The following FNBP4 variants were observed in gnomAD, a reference collection of about 807,000 sequenced individuals.
FNBP4 encodes the protein formin-binding protein 4.
A neutral mutation model predicts 119.3 loss-of-function variants in FNBP4; 34 were observed. The ratio of observed to expected loss-of-function variants is 0.28; its 90% CI spans 0.22 to 0.38. The LOEUF (loss-of-function observed/expected upper bound fraction) is 0.38, where lower values mean the gene tolerates loss of function less well. Ranked by LOEUF, FNBP4 falls within the 10% of genes least tolerant of loss-of-function variation. The probability of loss-of-function intolerance (pLI) is 1.00; values close to 1 mark genes in which losing one functional copy is unlikely to be tolerated. For synonymous variants in FNBP4, 462 were observed against 430.6 expected (o/e 1.07, Z -0.90); for missense variants, 1,112 against 1,228.9 (o/e 0.90, Z 1.42).
At chr11:47,721,170 C>T (rs556694662) in intron 15 of FNBP4, among the ~76,000 whole-genome samples, 1 of 150,516 alleles carries the variant, frequency 6.6e-6, no homozygotes, top group South Asian at 2.1e-4. Context: ...AAATACAAAA[C>T]ATAAGCCTGG....
At chr11:47,738,519 TG>T (rs577382937) in intron 8 of FNBP4, among the ~76,000 whole-genome samples, 286 of 152,134 alleles carry the variant, frequency 1.9e-3, no homozygotes, top group Middle Eastern at 0.014. Context: ...GAGCCGAGAT[TG>T]CACCATTGCA....
chr11:47,737,073 T>C (rs530930651), intron 8 of FNBP4, among the ~76,000 whole-genome samples: 15 of 152,178 alleles, frequency 9.9e-5, no homozygotes, highest in Admixed American at 4.6e-4. Context: ...CATGGTGGCA[T>C]GTGCCTGTAG....
At chr11:47,766,865 C>A (rs1370258079) in intron 1 of FNBP4, among the ~76,000 whole-genome samples, 5 of 152,140 alleles carry the variant, frequency 3.3e-5, no homozygotes, top group African/African-American at 4.8e-5. Context: ...GATGGCGCCT[C>A]GGGCTTGGCC....
rs1308620811 is a variant in FNBP4 at position 47,722,217 on chromosome 11, T to C, written c.2805+759A>G. 3.4e-5 allele frequency among the ~76,000 whole-genome samples: 5 copies of C among 146,006 alleles called. No individual in the cohort carries two copies. In the East Asian group the frequency reaches 1.0e-3, roughly 29 times the overall value. The stretch of plus-strand genomic sequence containing the variant: ...TAGGGAGAGTATCTGACAAATATAT[T>C]AGATATTGATAAGACCAATTTTTAT... On this transcript the variant is annotated intron_variant, in intron 15 of 16. Coordinates refer to ENST00000263773, the MANE Select transcript of FNBP4 (RefSeq NM_015308.5).
Position 47,717,378 on chromosome 11 carries a change from C to T in FNBP4, c.*44G>A. The T allele has an allele frequency of 7.4e-7, 1 of 1,345,352 alleles. No homozygotes were observed. 83.3% of individuals were successfully genotyped at this position (1,345,352 alleles called of 1,614,324 possible). A position where few individuals can be genotyped will look rare whatever the true frequency, so the allele number is the denominator to read the frequency against. ...AAACTGGTTAAGACTTTGAACTGAACACAAAACAAACAATAATACAAAAAA... is the reference window on the plus strand; with the variant it reads ...AAACTGGTTAAGACTTTGAACTGAATACAAAACAAACAATAATACAAAAAA... On this transcript the variant is annotated 3_prime_UTR_variant, in exon 17 of 17. Transcript: ENST00000263773.
In FNBP4 at chr11:47,767,057, G is replaced by A. The variant is rs753900169; in HGVS notation, c.220+12C>T. 6.6e-6 allele frequency: 10 copies of A among 1,522,570 alleles called. No homozygotes were observed. Among genetic ancestry groups the A allele is most frequent in the East Asian group, 2.6e-5 (1 of 38,708 alleles). The allele number at this position is 1,522,570 out of a possible 1,614,324, so 94.3% of individuals were successfully genotyped here. On this transcript the variant is annotated intron_variant, in intron 1 of 16. Transcript: ENST00000263773. The stretch of plus-strand genomic sequence containing the variant: ...CCTGAGCTCGAGTTCAGGTCCCCCC[G>A]CGCACCCTTGCCTTCTGAAGGCGAG...
chr11:47,733,243 CTTA>C (rs937973442), intron 10 of FNBP4, among the ~76,000 whole-genome samples: 20 of 152,044 alleles, frequency 1.3e-4, no homozygotes, highest in African/African-American at 4.3e-4. Context: ...CCCTTTTGGA[CTTA>C]TTAAGATTGG....
Position 47,728,578 on chromosome 11 carries a change from C to G in FNBP4, c.2008+2796G>C, listed in dbSNP as rs75362790. Reference sequence around the variant, plus strand: ...TGAGACAGGATCTCACTTTGTTGTTCAAGCTAGAGTGCAATGGTGTGAATA... The same window carrying G: ...TGAGACAGGATCTCACTTTGTTGTTGAAGCTAGAGTGCAATGGTGTGAATA... On this transcript the variant is annotated intron_variant, in intron 12 of 16. Coordinates refer to ENST00000263773, the MANE Select transcript of FNBP4 (RefSeq NM_015308.5). Among the ~76,000 whole-genome samples the G allele has an allele frequency of 5.4e-4, 82 of 152,098 alleles. 4 individuals carry two copies. In the East Asian group the frequency reaches 0.011, roughly 21 times the overall value.
intron 6 of FNBP4, among the ~76,000 whole-genome samples, chr11:47,746,652 T>G (rs2097590918): frequency 6.6e-6 from 1 of 151,958 alleles, no homozygotes; most frequent in Non-Finnish European, 1.5e-5. Context: ...GTAGCTGGGA[T>G]TACAGGCGCC....
intron 2 of FNBP4, among the ~76,000 whole-genome samples, chr11:47,757,841 G>T (rs1274087680): frequency 1.3e-5 from 2 of 152,152 alleles, no homozygotes; most frequent in African/African-American, 4.8e-5. Flanking sequence ...ATATATGTAA[G>T]AGATACGGTC....
At chr11:47,742,086 G>A (rs1225202830) in intron 8 of FNBP4, among the ~76,000 whole-genome samples, 2 of 152,016 alleles carry the variant, frequency 1.3e-5, no homozygotes, top group African/African-American at 4.8e-5. Flanking sequence ...CTCATATATG[G>A]TAAAATTTAC....
chr11:47,720,030 C>CTGGATACTCTGCCACTTTTTTACCAA lies in FNBP4; in HGVS notation c.2836_2861dup (p.Gln954HisfsTer3). The CTGGATACTCTGCCACTTTTTTACCAA allele has an allele frequency of 6.2e-7, 1 of 1,614,162 alleles. No homozygotes were observed. The highest frequency in any genetic ancestry group is 8.5e-7 in the Non-Finnish European group (1 of 1,180,018). Reference sequence around the variant, plus strand: ...AATTGTCCTCTTCATCTAACTCACGCTGGATACTCTGCCACTTTTTTACCA... The same window carrying CTGGATACTCTGCCACTTTTTTACCAA: ...AATTGTCCTCTTCATCTAACTCACGCTGGATACTCTGCCACTTTTTTACCAATGGATACTCTGCCACTTTTTTACCA... On this transcript the variant is annotated stop_gained and frameshift_variant, in exon 16 of 17. Transcript: ENST00000263773. LOFTEE classifies it high-confidence loss of function.
At chr11:47,728,231 T>A (rs940242839) in intron 12 of FNBP4, among the ~76,000 whole-genome samples, 1 of 151,720 alleles carries the variant, frequency 6.6e-6, no homozygotes. Flanking sequence ...TAAAACTGAA[T>A]ATGTTATGAG....
Position 47,746,113 on chromosome 11 carries a change from A to G in FNBP4, c.1188T>C (p.Ser396=). The G allele has an allele frequency of 1.9e-6, 3 of 1,611,898 alleles. No homozygotes were observed. Among genetic ancestry groups the G allele is most frequent in the Non-Finnish European group, 2.5e-6 (3 of 1,179,536 alleles). The change falls in exon 7 of 17, where the codon AGT becomes AGC. Residue 396 remains serine (S), a synonymous_variant. Coordinates refer to ENST00000263773, the MANE Select transcript of FNBP4 (RefSeq NM_015308.5). ...DLCSVVQSGE[S]EEEEEQDTLE... is the part of the protein sequence containing the mutation. ...GGGTATCTTGTTCCTCTTCCTCCTC[A>G]CTTTCTCCAGATTGGACAACACTGC...
chr11:47,761,280 G>A (rs2097633767), intron 2 of FNBP4, among the ~76,000 whole-genome samples: 1 of 152,218 alleles, frequency 6.6e-6, no homozygotes, highest in South Asian at 2.1e-4. Context: ...CACATTATCA[G>A]GTAAAATTGC....
intron 6 of FNBP4, among the ~76,000 whole-genome samples, chr11:47,749,885 C>T (rs1352875296): frequency 6.6e-6 from 1 of 152,142 alleles, no homozygotes; most frequent in Non-Finnish European, 1.5e-5. Context: ...TATCTCCGAT[C>T]CCAGGCATTT....
rs371882525 is a variant in FNBP4 at position 47,757,691 on chromosome 11, G to A, written c.314-3027C>T. ...GCATTTTTAGTAGAGATGGGGTTTC[G>A]CTATGTTGGCCTAGCTGCTCTTGGA... is the stretch of plus-strand genomic sequence containing the variant. On this transcript the variant is annotated intron_variant, in intron 2 of 16. Transcript: ENST00000263773. Among the ~76,000 whole-genome samples the A allele has an allele frequency of 6.2e-4, 93 of 149,702 alleles. No homozygotes were observed. In the East Asian group the frequency reaches 7.8e-3, roughly 13 times the overall value.
intron 12 of FNBP4, chr11:47,729,110 C>A (rs1016671885): frequency 5.2e-6 from 5 of 966,376 alleles, no homozygotes; most frequent in East Asian, 1.2e-4. Flanking sequence ...CCTCAGCCCC[C>A]CAAAGTATTG....
chr11:47,729,505 C>T, intron 12 of FNBP4: 1 of 985,098 alleles, frequency 1.0e-6, no homozygotes, highest in Non-Finnish European at 1.2e-6. Flanking sequence ...AATTTTGCAC[C>T]CCTTCCCCCA....
Sources: gnomAD v4.1 joint callset for allele counts (sites outside exome capture counted in the v4.1 genomes callset) on GRCh38, gnomAD v4.1.1 for gene constraint, MANE v1.5 for transcripts, NCBI Gene and HGNC (gene_info 2026-07-23, HGNC 2026-07-21) for gene names.